SPHKAP: variants seen among roughly 807,000 people sequenced by gnomAD.
The protein encoded by SPHKAP is SPHK1 interactor, AKAP domain containing.
In SPHKAP, 67 loss-of-function variants were observed where a neutral mutation model predicts 137.5. The observed-to-expected ratio is 0.49, with a 90% CI of 0.40 to 0.60. The LOEUF is 0.60. SPHKAP is among the 20% of genes least tolerant of loss of function. The pLI is 0.00. For synonymous variants in SPHKAP, 813 were observed against 785.3 expected (o/e 1.04, Z -0.59); for missense variants, 2,097 against 2,069.3 (o/e 1.01, Z -0.26).
intron 3 of SPHKAP, among the ~76,000 whole-genome samples, chr2:228,028,242 A>G (rs1290033693): frequency 6.6e-6 from 1 of 151,966 alleles, no homozygotes; most frequent in Non-Finnish European, 1.5e-5. Flanking sequence ...ACTTTTCTCT[A>G]TTTTCTCCTT....
chr2:228,163,215 T>C (rs902437735), intron 1 of SPHKAP, among the ~76,000 whole-genome samples: 1 of 152,010 alleles, frequency 6.6e-6, no homozygotes, highest in Non-Finnish European at 1.5e-5. Context: ...CAACCCAATG[T>C]TTTTCTGGTA....
chr2:228,087,989 A>G (rs1214675152), intron 3 of SPHKAP, among the ~76,000 whole-genome samples: 1 of 152,204 alleles, frequency 6.6e-6, no homozygotes, highest in East Asian at 1.9e-4. Context: ...GTATTCTTAG[A>G]CCTATAACAT....
chr2:228,107,567 C>T (rs1224722398), intron 3 of SPHKAP, among the ~76,000 whole-genome samples: 2 of 152,120 alleles, frequency 1.3e-5, no homozygotes, highest in Non-Finnish European at 2.9e-5. Context: ...TTTCACTAGA[C>T]AATTTTTAGT....
rs371642332 is a variant in SPHKAP, at chr2:228,154,481, A to ACTCTCTCTCTCT, written c.33-22408_33-22397dup. On this transcript the variant is annotated intron_variant, in intron 1 of 11. Transcript: ENST00000392056. ...CTATTTTTGTACAATTTGTAAATAA[A>ACTCTCTCTCTCT]CTCTCTCTCTCTCTCTCTCTCTCTC... Among the ~76,000 whole-genome samples the ACTCTCTCTCTCT allele has an allele frequency of 6.4e-4, 30 of 47,206 alleles. 1 individual carries two copies. The highest frequency in any genetic ancestry group is 2.0e-3 in the African/African-American group (22 of 11,222). 31.0% of individuals were successfully genotyped at this position (47,206 alleles called of 152,430 possible).
intron 3 of SPHKAP, among the ~76,000 whole-genome samples, chr2:228,059,245 C>T (rs1165099949): frequency 6.6e-6 from 1 of 152,142 alleles, no homozygotes; most frequent in East Asian, 1.9e-4. Context: ...TTTCATTCCA[C>T]TCGATTAAAT....
chr2:228,170,949 A>G (rs1054373862), intron 1 of SPHKAP, among the ~76,000 whole-genome samples: 7 of 152,158 alleles, frequency 4.6e-5, no homozygotes, highest in African/African-American at 1.7e-4. Flanking sequence ...ATAAGAGGTC[A>G]ATATCATGGT....
At chr2:228,010,229 A>T (rs1205963964) in intron 7 of SPHKAP, among the ~76,000 whole-genome samples, 2 of 152,216 alleles carry the variant, frequency 1.3e-5, no homozygotes, top group African/African-American at 4.8e-5. Context: ...ACCATTAAAA[A>T]AATTATTCAT....
chr2:228,008,455 C>A (rs1694226392), intron 7 of SPHKAP, among the ~76,000 whole-genome samples: 1 of 152,080 alleles, frequency 6.6e-6, no homozygotes. Flanking sequence ...CCATCACACC[C>A]AACTAATTTT....
intron 3 of SPHKAP, among the ~76,000 whole-genome samples, chr2:228,104,917 TA>T (rs1031484290): frequency 2.6e-5 from 4 of 152,160 alleles, no homozygotes; most frequent in Non-Finnish European, 4.4e-5. Context: ...CTAGTAAACA[TA>T]AAAAAACAGT....
chr2:227,983,162 A>C (rs997347530), intron 11 of SPHKAP, among the ~76,000 whole-genome samples: 1 of 152,174 alleles, frequency 6.6e-6, no homozygotes, highest in African/African-American at 2.4e-5. Flanking sequence ...TTCAGAGATC[A>C]GCCAGGAACT....
At chr2:227,986,129 G>A (rs1208307168) in intron 11 of SPHKAP, among the ~76,000 whole-genome samples, 1 of 152,180 alleles carries the variant, frequency 6.6e-6, no homozygotes, top group Admixed American at 6.5e-5. Flanking sequence ...TCAGTTTTAA[G>A]GCACTTTCCT....
chr2:228,034,580 A>G (rs1441143193), intron 3 of SPHKAP, among the ~76,000 whole-genome samples: 8 of 152,194 alleles, frequency 5.3e-5, no homozygotes, highest in Non-Finnish European at 8.8e-5. Context: ...ACAACCAAAA[A>G]AGAGAATTTT....
intron 1 of SPHKAP, among the ~76,000 whole-genome samples, chr2:228,154,534 T>A (rs6739681): frequency 0.044 from 383 of 8,748 alleles, no homozygotes; most frequent in Middle Eastern, 0.083. Context: ...ATATATATAT[T>A]TTTTTTTTTT....
intron 3 of SPHKAP, among the ~76,000 whole-genome samples, chr2:228,048,364 G>A (rs1333016944): frequency 8.2e-6 from 1 of 121,694 alleles, no homozygotes; most frequent in Non-Finnish European, 1.7e-5. Context: ...TGGGTGGGGG[G>A]TATTTACCTA....
intron 1 of SPHKAP, among the ~76,000 whole-genome samples, chr2:228,152,761 A>G (rs1699974901): frequency 6.6e-6 from 1 of 150,670 alleles, no homozygotes; most frequent in Non-Finnish European, 1.5e-5. Context: ...TAATATGTAT[A>G]CTTACCTTAT....
rs1199168605 is a variant in SPHKAP, at chr2:227,995,702, G to A, written c.4449-8C>T. On this transcript the variant is annotated splice_polypyrimidine_tract_variant and splice_region_variant and intron_variant, in intron 7 of 11. Transcript: ENST00000392056. ...CTGGTATCAAGGCTGTCACTGTAGAGGGCAAGATATTATTACCAAGAGAGG... is the reference window on the plus strand; with the variant it reads ...CTGGTATCAAGGCTGTCACTGTAGAAGGCAAGATATTATTACCAAGAGAGG... 1 of 1,565,902 alleles carries A rather than the reference G, an allele frequency of 6.4e-7. No individual in the cohort carries two copies. Among genetic ancestry groups the A allele is most frequent in the Non-Finnish European group, 8.6e-7 (1 of 1,162,692 alleles).
At chr2:228,066,958 C>A (rs960158490) in intron 3 of SPHKAP, among the ~76,000 whole-genome samples, 1 of 152,190 alleles carries the variant, frequency 6.6e-6, no homozygotes, top group African/African-American at 2.4e-5. Flanking sequence ...TTTATTCATG[C>A]ATCCTGTTTC....
chr2:228,152,538 G>A (rs777981598), intron 1 of SPHKAP, among the ~76,000 whole-genome samples: 7 of 151,642 alleles, frequency 4.6e-5, no homozygotes, highest in African/African-American at 7.3e-5. Flanking sequence ...TTAAAAATCC[G>A]GTTGATAATC....
At chr2:228,130,607 A>T (rs1301521721) in intron 2 of SPHKAP, among the ~76,000 whole-genome samples, 5 of 152,164 alleles carry the variant, frequency 3.3e-5, no homozygotes, top group African/African-American at 9.6e-5. Context: ...TATGTATTTT[A>T]AAAAATTAGA....
Sources: gnomAD v4.1 joint callset for allele counts (sites outside exome capture counted in the v4.1 genomes callset) on GRCh38, gnomAD v4.1.1 for gene constraint, MANE v1.5 for transcripts, NCBI Gene and HGNC (gene_info 2026-07-23, HGNC 2026-07-21) for gene names.